TBATA: variants seen among roughly 807,000 people sequenced by gnomAD.
The protein encoded by TBATA is thymus, brain and testes associated, also known as protein TBATA.
Under a neutral mutation model 38.7 loss-of-function variants are expected in TBATA, and 47 were observed. That is an observed-to-expected ratio of 1.21 (90% CI 0.96 to 1.55). TBATA has a LOEUF of 1.55. Ranked by LOEUF, TBATA falls within the 40% of genes most tolerant of loss-of-function variation. The pLI is 0.00. For missense variants in TBATA, 436 were observed against 435.6 expected, an observed-to-expected ratio of 1.00 and a Z score of -0.01; for synonymous variants, 183 against 170.5, an observed-to-expected ratio of 1.07 and a Z score of -0.57.
chr10:70,778,502 C>T (rs771015685), intron 6 of TBATA, 55 bp downstream of exon 6: 3 of 1,551,158 alleles, frequency 1.9e-6, no homozygotes, highest in Non-Finnish European at 2.7e-6. Flanking sequence ...TCTCCTTACA[C>T]AGGGAAGGAT....
chr10:70,781,738 C>G (rs975009665), intron 4 of TBATA, 63 bp downstream of exon 4: 41 of 1,457,392 alleles, frequency 2.8e-5, no homozygotes, highest in Non-Finnish European at 3.7e-5. Flanking sequence ...ATTCTTGCTT[C>G]CCAGTTCTCA....
intron 9 of TBATA, among the ~76,000 whole-genome samples, chr10:70,773,339 C>G (rs535876613): frequency 6.6e-6 from 1 of 152,298 alleles, no homozygotes; most frequent in Non-Finnish European, 1.5e-5. Context: ...ATGCCTTCAC[C>G]CAGGCTGGTC....
chr10:70,780,554 C>T (rs908591544), intron 4 of TBATA, among the ~76,000 whole-genome samples: 5 of 152,004 alleles, frequency 3.3e-5, no homozygotes, highest in African/African-American at 1.2e-4. Context: ...CTACCCAGGC[C>T]CACCACTTGA....
chr10:70,773,796 G>A (rs1589372308), intron 9 of TBATA, among the ~76,000 whole-genome samples: 1 of 152,324 alleles, frequency 6.6e-6, no homozygotes, highest in East Asian at 1.9e-4. Context: ...CCTGCCTTGT[G>A]AGGCCTCCCC....
chr10:70,778,479 G>T, intron 6 of TBATA, 78 bp downstream of exon 6: 1 of 1,426,918 alleles, frequency 7.0e-7, no homozygotes, highest in South Asian at 1.1e-5. Flanking sequence ...AGGCTGAACT[G>T]ACTCGGGAGG....
At chr10:70,782,262 G>A in intron 3 of TBATA, 1 of 1,452,090 alleles carries the variant, frequency 6.9e-7, no homozygotes, top group Non-Finnish European at 9.3e-7. Context: ...CAGGGAGCTG[G>A]CATCCATTTG....
chr10:70,777,655 C>G (rs144738734), intron 6 of TBATA: 6 of 415,874 alleles, frequency 1.4e-5, no homozygotes, highest in Non-Finnish European at 2.3e-5. Context: ...GCTGGATGCC[C>G]GCGGGTGGTT....
chr10:70,775,435 T>C (rs1236318854), intron 7 of TBATA, among the ~76,000 whole-genome samples, 165 bp from the exon 8 acceptor site: 1 of 152,196 alleles, frequency 6.6e-6, no homozygotes, highest in Non-Finnish European at 1.5e-5. Flanking sequence ...TTCCTCCACA[T>C]TGGGCTTTGC....
chr10:70,779,412 G>C (rs1564590185), intron 5 of TBATA, among the ~76,000 whole-genome samples, 181 bp downstream of exon 5: 1 of 152,228 alleles, frequency 6.6e-6, no homozygotes, highest in African/African-American at 2.4e-5. Flanking sequence ...GGACTTGCTG[G>C]GTGGGGAGTA....
At chr10:70,772,712 A>G (rs1842915629) in intron 9 of TBATA, 146 bp from the exon 10 acceptor site, 5 of 849,952 alleles carry the variant, frequency 5.9e-6, no homozygotes, top group Admixed American at 2.0e-5. Context: ...CCCCTCCTGG[A>G]GGGCCAGAAA....
At chr10:70,780,222 G>A (rs4746067) in intron 4 of TBATA, among the ~76,000 whole-genome samples, 63,771 of 151,984 alleles carry the variant, frequency 0.42, 13,969 homozygotes, top group East Asian at 0.74. Context: ...TGGTCAGCCT[G>A]TGCAAGGCTG....
At chr10:70,774,842 G>A (rs1461684476) in intron 8 of TBATA, among the ~76,000 whole-genome samples, 1 of 152,100 alleles carries the variant, frequency 6.6e-6, no homozygotes, top group Non-Finnish European at 1.5e-5. Context: ...ACTTGCACCT[G>A]TGTGTGTGTG....
intron 3 of TBATA, chr10:70,782,291 C>G (rs962177136): frequency 6.7e-7 from 1 of 1,492,734 alleles, no homozygotes; most frequent in African/African-American, 1.4e-5. Context: ...CAGACTCTCC[C>G]AGCACCCCAG....
At chr10:70,782,478 G>C in intron 3 of TBATA, 1 of 1,289,716 alleles carries the variant, frequency 7.8e-7, no homozygotes, top group African/African-American at 1.5e-5. Context: ...GCTATAGGCT[G>C]TCATCCTCCC....
chr10:70,772,219 T>G (rs531229365), intron 10 of TBATA: 83 of 599,860 alleles, frequency 1.4e-4, no homozygotes, highest in African/African-American at 3.5e-4. Context: ...AGTATCTGTC[T>G]CCACTCCTCC....
At chr10:70,772,708 C>T (rs1018705146) in intron 9 of TBATA, 142 bp from the exon 10 acceptor site, 26 of 870,430 alleles carry the variant, frequency 3.0e-5, no homozygotes, top group Non-Finnish European at 4.2e-5. Flanking sequence ...GTCACCCCTC[C>T]TGGAGGGCCA....
chr10:70,785,176 G>A (rs901215553), intron 1 of TBATA, 109 bp downstream of exon 1: 3 of 152,638 alleles, frequency 2.0e-5, no homozygotes, highest in Non-Finnish European at 4.4e-5. Flanking sequence ...CAGCCAGGCA[G>A]AGGGGTCTGA....
chr10:70,772,271 A>C (rs766436222), intron 10 of TBATA: 4 of 687,612 alleles, frequency 5.8e-6, no homozygotes, highest in Admixed American at 4.1e-5. Flanking sequence ...CCTTGCTGGG[A>C]TGTAAGTTCC....
intron 4 of TBATA, among the ~76,000 whole-genome samples, chr10:70,781,083 G>T (rs990688194): frequency 6.6e-6 from 1 of 152,114 alleles, no homozygotes; most frequent in Non-Finnish European, 1.5e-5. Context: ...TGCCTTCTCC[G>T]TTCTCCTCTC....
Sources: gnomAD v4.1 joint callset for allele counts (sites outside exome capture counted in the v4.1 genomes callset) on GRCh38, gnomAD v4.1.1 for gene constraint, MANE v1.5 for transcripts, NCBI Gene and HGNC (gene_info 2026-07-23, HGNC 2026-07-21) for gene names.